Variants in ZNF582 observed in about 807,000 individuals in gnomAD.
The protein encoded by ZNF582 is zinc finger protein 582.
In ZNF582, 14 loss-of-function variants were observed where a neutral mutation model predicts 12.3. That is an observed-to-expected ratio of 1.14 (90% CI 0.75 to 1.78). The LOEUF is 1.78. ZNF582 is among the 40% of genes most tolerant of loss of function. The pLI is 0.00. For synonymous variants in ZNF582, 210 were observed against 207.2 expected (o/e 1.01, Z -0.11); for missense variants, 567 against 616.5 (o/e 0.92, Z 0.85).
chr19:56,390,281 C>A lies in ZNF582; in HGVS notation c.136+94G>T. On this transcript the variant is annotated intron_variant, in intron 3 of 4. Coordinates refer to ENST00000586929, the Ensembl canonical transcript of ZNF582. Reference sequence around the variant, plus strand: ...CCGCCCTTTAACCCCTCAAAAATGACCAACCAATCATAAGACTGAAAAGCA... The same window carrying A: ...CCGCCCTTTAACCCCTCAAAAATGAACAACCAATCATAAGACTGAAAAGCA... 9 of 1,581,104 alleles carry A rather than the reference C, an allele frequency of 5.7e-6. No individual in the cohort carries two copies. The South Asian group carries it at 7.9e-5, about 14-fold the overall frequency.
exon 5 of ZNF582, chr19:56,384,268 C>T (rs1252931996): frequency 3.0e-5 from 49 of 1,613,716 alleles, no homozygotes; most frequent in Non-Finnish European, 4.0e-5. Flanking sequence ...TCTGATGTTG[C>T]TTGAGTTGTG....
intron 2 of ZNF582, among the ~76,000 whole-genome samples, chr19:56,391,014 A>C (rs1049369871): frequency 2.0e-5 from 3 of 152,222 alleles, no homozygotes; most frequent in African/African-American, 7.2e-5. Context: ...GGAACATAAC[A>C]CAAGCATTTT....
At chr19:56,393,364 C>G in exon 1 of ZNF582, 1 of 920,798 alleles carries the variant, frequency 1.1e-6, no homozygotes, top group Non-Finnish European at 1.5e-6. Context: ...GCGTTCTTCT[C>G]AGGCCTGAGA....
chr19:56,388,654 A>G (rs1269443077), intron 4 of ZNF582, among the ~76,000 whole-genome samples: 1 of 151,552 alleles, frequency 6.6e-6, no homozygotes, highest in East Asian at 1.9e-4. Flanking sequence ...TCTTTTTGAG[A>G]CAGAGTCTCT....
chr19:56,393,348 A>G, exon 1 of ZNF582: 1 of 1,016,840 alleles, frequency 9.8e-7, no homozygotes, highest in East Asian at 6.1e-5. Flanking sequence ...ATGAGGCGAG[A>G]CGTCTGCGTT....
At chr19:56,386,010 G>A (rs1438982295) in intron 4 of ZNF582, among the ~76,000 whole-genome samples, 1 of 152,200 alleles carries the variant, frequency 6.6e-6, no homozygotes, top group African/African-American at 2.4e-5. Flanking sequence ...GATGAAAAGA[G>A]TTCCGGAGAT....
At chr19:56,389,322 C>T (rs551301769) in intron 4 of ZNF582, among the ~76,000 whole-genome samples, 5 of 152,236 alleles carry the variant, frequency 3.3e-5, no homozygotes, top group African/African-American at 4.8e-5. Context: ...TCAAACAAAC[C>T]GATACAAATT....
At chr19:56,385,798 T>C (rs1320756040) in intron 4 of ZNF582, among the ~76,000 whole-genome samples, 1 of 152,092 alleles carries the variant, frequency 6.6e-6, no homozygotes, top group Non-Finnish European at 1.5e-5. Flanking sequence ...AAGCAAATCA[T>C]TGGTTTGACG....
In ZNF582 at chr19:56,390,087, A is replaced by T. The variant is rs776983857; in HGVS notation, c.146T>A (p.Val49Asp). ...GAAGGAGATCACATCAGGTTTGGAA[A>T]CGGCAAGACCTGGAGATGAGAAGAA... The change falls in exon 4 of 5, where the codon GTT (valine) becomes GAT (aspartate). Residue 49 changes from valine (V) to aspartate (D), a missense_variant. Transcript: ENST00000586929. The T allele has an allele frequency of 5.0e-6, 8 of 1,613,678 alleles. No individual in the cohort carries two copies. In the South Asian group the frequency reaches 8.8e-5, roughly 18 times the overall value.
At chr19:56,390,302 A>G in intron 3 of ZNF582, 73 bp downstream of exon 3, 1 of 1,603,344 alleles carries the variant, frequency 6.2e-7, no homozygotes, top group South Asian at 1.1e-5. Context: ...TAAGACTGAA[A>G]AGCACCCAAA....
In ZNF582 at chr19:56,385,202, C is replaced by A; in HGVS notation, c.233-18G>T. On this transcript the variant is annotated intron_variant, in intron 4 of 4. Transcript: ENST00000586929. Reference sequence around the variant, plus strand: ...CTCCAATACTAAGAATGAAAAAAAGCGAATATGTTTGGCTTCTTTTTTTTT... The same window carrying A: ...CTCCAATACTAAGAATGAAAAAAAGAGAATATGTTTGGCTTCTTTTTTTTT... The A allele has an allele frequency of 1.3e-6, 2 of 1,547,568 alleles. No homozygotes were observed. The highest frequency in any genetic ancestry group is 1.7e-6 in the Non-Finnish European group (2 of 1,156,778).
At chr19:56,383,311 C>T (rs771932341) in exon 5 of ZNF582, 1 of 152,186 alleles carries the variant, frequency 6.6e-6, no homozygotes, top group Non-Finnish European at 1.5e-5. Flanking sequence ...TCATCATTTT[C>T]TGTTACTTTC....
exon 5 of ZNF582, chr19:56,384,228 A>G (rs1246967950): frequency 1.2e-6 from 2 of 1,613,768 alleles, no homozygotes; most frequent in Non-Finnish European, 1.7e-6. Flanking sequence ...CATACCTTAC[A>G]TTGGTAGGGT....
chr19:56,391,621 G>T, intron 2 of ZNF582, 123 bp downstream of exon 2: 1 of 798,416 alleles, frequency 1.3e-6, no homozygotes, highest in South Asian at 1.6e-5. Context: ...TGGGAGAGGA[G>T]ACTCCTGCCT....
chr19:56,384,208 G>A (rs2041942739), exon 5 of ZNF582: 1 of 1,612,618 alleles, frequency 6.2e-7, no homozygotes, highest in South Asian at 1.1e-5. Flanking sequence ...CCCGTTTGAA[G>A]GCCCTACCAC....
intron 2 of ZNF582, 91 bp downstream of exon 2, chr19:56,391,653 G>A: frequency 8.7e-7 from 1 of 1,144,190 alleles, no homozygotes; most frequent in Non-Finnish European, 1.3e-6. Context: ...TCCCTAAAAT[G>A]GGAAAGTCTG....
At position 56,390,508 on chromosome 19, in the gene ZNF582, T is replaced by G; in HGVS notation, c.10-7A>C. The G allele has an allele frequency of 6.2e-7, 1 of 1,614,052 alleles. No individual in the cohort carries two copies. The highest frequency in any genetic ancestry group is 8.5e-7 in the Non-Finnish European group (1 of 1,180,004). ...CCCTGAACAATTCTGACCCCTGGAA[T>G]GACAGGCATGTATGATATATATGTA... On this transcript the variant is annotated splice_polypyrimidine_tract_variant and splice_region_variant and intron_variant, in intron 2 of 4. Coordinates refer to ENST00000586929, the Ensembl canonical transcript of ZNF582.
exon 5 of ZNF582, chr19:56,384,076 C>A: frequency 1.2e-6 from 2 of 1,610,348 alleles, no homozygotes; most frequent in Non-Finnish European, 1.7e-6. Context: ...AGGGCTTTTT[C>A]TCAGTGTGAA....
At position 56,390,412 on chromosome 19, in the gene ZNF582, G is replaced by A. The variant is rs377653896; in HGVS notation, c.99C>T (p.Asp33=). The change falls in exon 3 of 5, where the codon GAC becomes GAT. Residue 33 remains aspartate (D), a synonymous_variant. Coordinates refer to ENST00000586929, the Ensembl canonical transcript of ZNF582. ...GGTTGCTGTAGGTCTCCAACATCAC[G>A]TCTCTGTACAAATCCCTCTGAGCAG... 2.8e-5 allele frequency: 46 copies of A among 1,614,086 alleles called. No individual in the cohort carries two copies. The Middle Eastern group carries it at 1.2e-3, about 41-fold the overall frequency.
Sources: gnomAD v4.1 joint callset for allele counts (sites outside exome capture counted in the v4.1 genomes callset) on GRCh38, gnomAD v4.1.1 for gene constraint, MANE v1.5 for transcripts, NCBI Gene and HGNC (gene_info 2026-07-23, HGNC 2026-07-21) for gene names.